MEP1A: variants seen among roughly 807,000 people sequenced by gnomAD.
The protein encoded by MEP1A is N-benzoyl-L-tyrosyl-P-amino-benzoic acid hydrolase subunit alpha.
MEP1A carries 68 observed loss-of-function variants against 84.5 expected under a neutral mutation model. That is an observed-to-expected ratio of 0.80 (90% confidence interval 0.66 to 0.98). The LOEUF (loss-of-function observed/expected upper bound fraction) is 0.98. Ranked by LOEUF, MEP1A falls within the 50% of genes least tolerant of loss-of-function variation. The pLI, the probability that MEP1A is intolerant of heterozygous loss-of-function variation, is 0.00. For missense variants in MEP1A, 887 were observed against 919.9 expected (o/e 0.96, Z 0.46); for synonymous variants, 337 against 336.8 (o/e 1.00, Z -0.01).
chr6:46,829,771 A>C (rs1768037527), intron 10 of MEP1A, among the ~76,000 whole-genome samples, 200 bp downstream of exon 10: 1 of 152,204 alleles, frequency 6.6e-6, no homozygotes, highest in South Asian at 2.1e-4. Flanking sequence ...CCACTGAGAA[A>C]TTAGAAGCAG....
In MEP1A at chr6:46,793,429, T is replaced by C. The variant is rs146460388; in HGVS notation, c.31T>C (p.Phe11Leu). ...TTGGATTAGATCCACTTGCATTCTC[T>C]TTTTTACCTTGCTTTTTGCCCACAT... is the stretch of plus-strand genomic sequence containing the variant. MAWIRSTCILFFTLLFAHIAA... is the reference protein window; with the variant it reads MAWIRSTCILLFTLLFAHIAA... Residue 11 changes from phenylalanine (F) to leucine (L), a missense_variant, in exon 1 of 14, where the codon TTT becomes CTT. Physicochemically the swap from Phe to Leu is conservative, Grantham distance 22. Coordinates refer to ENST00000230588, the MANE Select transcript of MEP1A (RefSeq NM_005588.3). 6.3e-7 allele frequency: 1 copy of C among 1,599,692 alleles called. No homozygotes were observed. The highest frequency in any genetic ancestry group is 1.4e-5 in the African/African-American group (1 of 73,860).
chr6:46,808,325 A>G (rs577720153), intron 5 of MEP1A, among the ~76,000 whole-genome samples: 1 of 152,084 alleles, frequency 6.6e-6, no homozygotes, highest in African/African-American at 2.4e-5. Context: ...TCCCATGACT[A>G]TTTCTTTAAT....
chr6:46,840,732 G>A (rs1181753646), downstream of MEP1A, among the ~76,000 whole-genome samples: 1 of 152,162 alleles, frequency 6.6e-6, no homozygotes, highest in African/African-American at 2.4e-5. Context: ...AATACAATGG[G>A]ATAATGAATA....
chr6:46,820,698 T>C (rs1767751220), intron 7 of MEP1A, among the ~76,000 whole-genome samples: 1 of 152,156 alleles, frequency 6.6e-6, no homozygotes, highest in South Asian at 2.1e-4. Flanking sequence ...GCCCTTACTT[T>C]CCTTAATTGT....
intron 11 of MEP1A, 38 bp from the exon 12 acceptor site, chr6:46,834,540 A>C: frequency 6.9e-7 from 1 of 1,446,602 alleles, no homozygotes; most frequent in Non-Finnish European, 9.4e-7. Context: ...TGAAGTCTAA[A>C]GAGGTAATGT....
At position 46,826,493 on chromosome 6, in the gene MEP1A, A is replaced by G. The variant is rs151151907; in HGVS notation, c.918A>G (p.Gly306=). The G allele has an allele frequency of 1.3e-5, 21 of 1,584,430 alleles. No homozygotes were observed. Among genetic ancestry groups the G allele is most frequent in the Non-Finnish European group, 1.8e-5 (21 of 1,164,734 alleles). ...QAGEVDHTLL[G]QCTGAGYFMQ... ...GAGAAGTGGATCACACCTTGTTGGG[A>G]CAATGCACAGGTCAGTGAAAGTGGA... is the stretch of plus-strand genomic sequence containing the variant. The change falls in exon 9 of 14, where the codon GGA becomes GGG. Residue 306 remains glycine, a synonymous_variant. Transcript: ENST00000230588.
chr6:46,833,925 A>C (rs1204345142), intron 11 of MEP1A, among the ~76,000 whole-genome samples: 1 of 152,150 alleles, frequency 6.6e-6, no homozygotes, highest in Admixed American at 6.5e-5. Flanking sequence ...AATAGTACTC[A>C]ATGTTACTAT....
chr6:46,833,606 G>A, intron 11 of MEP1A, 68 bp downstream of exon 11: 3 of 1,146,912 alleles, frequency 2.6e-6, no homozygotes, highest in Admixed American at 3.7e-5. Context: ...TGATTCTGTG[G>A]TGCAAGAAAG....
At chr6:46,835,942 T>C (rs377562337) in intron 13 of MEP1A, among the ~76,000 whole-genome samples, 9 of 152,206 alleles carry the variant, frequency 5.9e-5, no homozygotes, top group African/African-American at 2.2e-4. Context: ...TCCTAATTAT[T>C]ATTAGTTCTA....
At chr6:46,826,551 A>T (rs1182112390) in intron 9 of MEP1A, 48 bp downstream of exon 9, 1 of 1,387,626 alleles carries the variant, frequency 7.2e-7, no homozygotes, top group Admixed American at 2.5e-5. Context: ...CACCAGGTTC[A>T]ATTAGGTTAT....
chr6:46,810,401 C>T (rs577989633), intron 6 of MEP1A, among the ~76,000 whole-genome samples: 1 of 152,118 alleles, frequency 6.6e-6, no homozygotes, highest in Non-Finnish European at 1.5e-5. Context: ...TGAAAATTTT[C>T]TCCCACTCTG....
Position 46,829,436 on chromosome 6 carries a change from C to T in MEP1A, c.1009C>T (p.Pro337Ser), listed in dbSNP as rs149225767. Residue 337 changes from proline (P) to serine (S), a missense_variant, in exon 10 of 14, where the codon CCA becomes TCA. Pro to Ser is a moderately conservative substitution (Grantham distance 74). Transcript: ENST00000230588. ...AALLESRILY[P>S]KRKQQCLQFF... ...CCTACTGGAGTCTCGGATTCTTTAC[C>T]CAAAGAGGAAGCAGCAGTGCCTGCA... 105 of 1,614,098 alleles carry T rather than the reference C, an allele frequency of 6.5e-5. No individual in the cohort carries two copies. Among genetic ancestry groups the T allele is most frequent in the Non-Finnish European group, 8.6e-5 (102 of 1,180,004 alleles).
At chr6:46,823,378 G>A (rs922748893) in intron 7 of MEP1A, among the ~76,000 whole-genome samples, 2 of 152,218 alleles carry the variant, frequency 1.3e-5, no homozygotes, top group African/African-American at 4.8e-5. Flanking sequence ...TTGAGAGGCC[G>A]ATGCAGGCAG....
intron 9 of MEP1A, among the ~76,000 whole-genome samples, chr6:46,829,109 T>C (rs918853071): frequency 6.6e-6 from 1 of 152,226 alleles, no homozygotes; most frequent in African/African-American, 2.4e-5. Context: ...GTCAAAGGTA[T>C]ATATTTCACA....
intron 3 of MEP1A, among the ~76,000 whole-genome samples, chr6:46,798,020 T>A (rs1767105118): frequency 6.6e-6 from 1 of 151,356 alleles, no homozygotes; most frequent in South Asian, 2.1e-4. Flanking sequence ...CAGGCTGGAG[T>A]GCAGTGGCAT....
intron 5 of MEP1A, among the ~76,000 whole-genome samples, chr6:46,801,371 G>A (rs1016132139): frequency 9.2e-5 from 14 of 152,090 alleles, no homozygotes; most frequent in African/African-American, 3.4e-4. Context: ...CTAATGATTA[G>A]TGATATTTAG....
intron 6 of MEP1A, among the ~76,000 whole-genome samples, chr6:46,815,830 G>A (rs1411342881): frequency 1.3e-5 from 2 of 152,078 alleles, no homozygotes; most frequent in Non-Finnish European, 2.9e-5. Context: ...GAAAAAAAAT[G>A]CAAAAAATAG....
At chr6:46,845,254 T>C in the MEP1A span, among the ~76,000 whole-genome samples, 24 of 151,954 alleles carry the variant, frequency 1.6e-4, no homozygotes, top group Admixed American at 1.6e-3. Context: ...CCTAAAGGAG[T>C]CTTGGTGCAC....
intron 8 of MEP1A, 109 bp from the exon 9 acceptor site, chr6:46,826,245 C>A: frequency 2.0e-6 from 2 of 979,800 alleles, no homozygotes; most frequent in Non-Finnish European, 2.9e-6. Context: ...AGATAACAAG[C>A]TTGTGATCCT....
Sources: gnomAD v4.1 joint callset for allele counts (sites outside exome capture counted in the v4.1 genomes callset) on GRCh38, gnomAD v4.1.1 for gene constraint, MANE v1.5 for transcripts, NCBI Gene and HGNC (gene_info 2026-07-23, HGNC 2026-07-21) for gene names.